The following PCNX2 variants were observed in gnomAD, a reference collection of about 807,000 sequenced individuals.
PCNX2 encodes the protein pecanex 2, also known as pecanex-like protein 2.
Under a neutral mutation model 223.8 loss-of-function variants are expected in PCNX2, and 168 were observed. The ratio of observed to expected loss-of-function variants is 0.75; its 90% CI spans 0.66 to 0.85. PCNX2 has a LOEUF of 0.85. PCNX2 is among the 40% of genes least tolerant of loss of function. The pLI is 0.00. For synonymous variants in PCNX2, 1,006 were observed against 1,052.6 expected (o/e 0.96, Z 0.86); for missense variants, 2,507 against 2,675.5 (o/e 0.94, Z 1.39).
chr1:233,109,258 C>T (rs1674979265), intron 21 of PCNX2, among the ~76,000 whole-genome samples: 2 of 152,046 alleles, frequency 1.3e-5, no homozygotes, highest in Admixed American at 1.3e-4. Flanking sequence ...ACAGAACATC[C>T]AGCTGTCAAC....
intron 32 of PCNX2, among the ~76,000 whole-genome samples, chr1:232,992,016 G>A (rs534727817): frequency 3.3e-5 from 5 of 152,334 alleles, no homozygotes; most frequent in East Asian, 1.9e-4. Context: ...GGAGATTTAC[G>A]ATTTTGTGTG....
intron 23 of PCNX2, among the ~76,000 whole-genome samples, chr1:233,075,566 A>T (rs1673052644): frequency 6.6e-6 from 1 of 152,120 alleles, no homozygotes; most frequent in Non-Finnish European, 1.5e-5. Context: ...TGTATCTTGA[A>T]TGTATCAACA....
At chr1:233,267,472 T>C (rs541199676) in intron 1 of PCNX2, among the ~76,000 whole-genome samples, 1 of 152,282 alleles carries the variant, frequency 6.6e-6, no homozygotes, top group Admixed American at 6.5e-5. Flanking sequence ...ATCTCCAGAA[T>C]TTTTATCTTC....
At chr1:233,137,236 AT>A (rs1355238054) in intron 20 of PCNX2, among the ~76,000 whole-genome samples, 1 of 152,196 alleles carries the variant, frequency 6.6e-6, no homozygotes, top group Non-Finnish European at 1.5e-5. Context: ...GTTTCCTCAC[AT>A]ATCCCAAAGG....
intron 32 of PCNX2, among the ~76,000 whole-genome samples, chr1:232,996,839 T>C (rs951948377): frequency 1.3e-5 from 2 of 152,182 alleles, no homozygotes; most frequent in Non-Finnish European, 2.9e-5. Flanking sequence ...ATGAACAGCT[T>C]ACCTTTACAA....
At chr1:233,283,408 C>T (rs1160054534) in intron 1 of PCNX2, among the ~76,000 whole-genome samples, 1 of 152,172 alleles carries the variant, frequency 6.6e-6, no homozygotes, top group Non-Finnish European at 1.5e-5. Flanking sequence ...CCAAAAGGAT[C>T]ATGGCTCCTT....
chr1:233,134,065 A>T (rs1191615599), intron 21 of PCNX2, among the ~76,000 whole-genome samples: 2 of 152,198 alleles, frequency 1.3e-5, no homozygotes, highest in African/African-American at 2.4e-5. Context: ...AAAAAATTTT[A>T]AAAATTTAAA....
chr1:233,104,483 T>C (rs1318737069), intron 21 of PCNX2, among the ~76,000 whole-genome samples: 2 of 152,210 alleles, frequency 1.3e-5, no homozygotes, highest in South Asian at 2.1e-4. Flanking sequence ...AATTGAAATG[T>C]ATACACTTAG....
intron 23 of PCNX2, among the ~76,000 whole-genome samples, chr1:233,074,780 A>C (rs550974641): frequency 3.7e-4 from 56 of 152,232 alleles, no homozygotes; most frequent in South Asian, 2.1e-4. Flanking sequence ...TAAACATTTC[A>C]CTGAAGAGAC....
At chr1:233,022,677 A>T (rs1670935881) in intron 26 of PCNX2, among the ~76,000 whole-genome samples, 1 of 148,924 alleles carries the variant, frequency 6.7e-6, no homozygotes, top group Non-Finnish European at 1.5e-5. Flanking sequence ...AGTCTAGCCT[A>T]ATTCTTTCTT....
At chr1:233,143,498 T>C (rs1178747463) in intron 19 of PCNX2, among the ~76,000 whole-genome samples, 2 of 152,174 alleles carry the variant, frequency 1.3e-5, no homozygotes, top group Non-Finnish European at 2.9e-5. Context: ...CCCTAGGAAT[T>C]TGTTACAAAT....
chr1:233,169,518 G>A (rs917508282), intron 17 of PCNX2, among the ~76,000 whole-genome samples: 2 of 151,284 alleles, frequency 1.3e-5, no homozygotes, highest in East Asian at 2.0e-4. Context: ...GGTGGCGCGC[G>A]CCTGTAGTCC....
At chr1:233,211,383 T>C (rs186930770) in intron 12 of PCNX2, among the ~76,000 whole-genome samples, 365 of 151,874 alleles carry the variant, frequency 2.4e-3, no homozygotes, top group South Asian at 9.8e-3. Context: ...CAGGCTAGAG[T>C]GCAGTGGCAT....
intron 17 of PCNX2, among the ~76,000 whole-genome samples, chr1:233,164,119 C>A (rs1028145542): frequency 6.6e-6 from 1 of 152,082 alleles, no homozygotes; most frequent in Non-Finnish European, 1.5e-5. Context: ...CTGCCATAAT[C>A]CAATTAAAAA....
At chr1:233,325,308 T>G in the PCNX2 span, among the ~76,000 whole-genome samples, 1 of 152,024 alleles carries the variant, frequency 6.6e-6, no homozygotes, top group Non-Finnish European at 1.5e-5. Context: ...AGTTCACGAC[T>G]TCAGAGGAGA....
intron 21 of PCNX2, among the ~76,000 whole-genome samples, chr1:233,133,730 C>T (rs763973456): frequency 1.4e-4 from 22 of 152,212 alleles, no homozygotes; most frequent in Non-Finnish European, 2.9e-4. Flanking sequence ...CGTGGTGGTG[C>T]ATGCCTGTGG....
chr1:233,003,993 G>A (rs1163412376), intron 28 of PCNX2, among the ~76,000 whole-genome samples: 1 of 152,040 alleles, frequency 6.6e-6, no homozygotes, highest in Non-Finnish European at 1.5e-5. Context: ...CACACACCGG[G>A]GCCTGTTGGA....
At chr1:233,060,248 G>A (rs1045416800) in intron 23 of PCNX2, among the ~76,000 whole-genome samples, 4 of 152,148 alleles carry the variant, frequency 2.6e-5, no homozygotes, top group Non-Finnish European at 5.9e-5. Context: ...GAAGTCCCAC[G>A]TCTGCATAGT....
chr1:233,278,674 C>T (rs1661032515), intron 1 of PCNX2, among the ~76,000 whole-genome samples: 1 of 152,138 alleles, frequency 6.6e-6, no homozygotes, highest in African/African-American at 2.4e-5. Flanking sequence ...TCTGATTCTG[C>T]AGTTCTTCAT....
Sources: gnomAD v4.1 joint callset for allele counts (sites outside exome capture counted in the v4.1 genomes callset) on GRCh38, gnomAD v4.1.1 for gene constraint, MANE v1.5 for transcripts, NCBI Gene and HGNC (gene_info 2026-07-23, HGNC 2026-07-21) for gene names.